The following WDHD1 variants were observed in gnomAD, a reference collection of about 807,000 sequenced individuals.
WDHD1 encodes WD repeat and HMG-box DNA binding protein 1.
In WDHD1, 111 loss-of-function variants were observed where a neutral mutation model predicts 135.4. The ratio of observed to expected loss-of-function variants is 0.82; its 90% CI spans 0.70 to 0.96. The LOEUF (loss-of-function observed/expected upper bound fraction) is 0.96, where lower values mean the gene tolerates loss of function less well. WDHD1 is among the 40% of genes least tolerant of loss of function. The pLI is 0.00. For missense variants in WDHD1, 1,351 were observed against 1,336.3 expected, an observed-to-expected ratio of 1.01 and a Z score of -0.17; for synonymous variants, 434 against 439.0, an observed-to-expected ratio of 0.99 and a Z score of 0.14.
intron 7 of WDHD1, among the ~76,000 whole-genome samples, chr14:55,006,553 T>C (rs1038416441): frequency 1.3e-5 from 2 of 152,318 alleles, no homozygotes; most frequent in South Asian, 4.1e-4. Context: ...TCTTGGGATT[T>C]ACTCATATAC....
intron 20 of WDHD1, 43 bp downstream of exon 20, chr14:54,962,695 C>T (rs749304434): frequency 1.2e-6 from 2 of 1,603,014 alleles, no homozygotes; most frequent in Non-Finnish European, 1.7e-6. Context: ...AAGCCACATC[C>T]ATGATAGTTC....
chr14:54,969,343 G>GAA (rs141857558), intron 16 of WDHD1, among the ~76,000 whole-genome samples: 56 of 119,538 alleles, frequency 4.7e-4, no homozygotes, highest in African/African-American at 1.0e-3. Flanking sequence ...TCCGTTTCAA[G>GAA]AAAAAAAAAA....
Position 54,988,764 on chromosome 14 carries a change from T to TA in WDHD1, c.1526+263dup, listed in dbSNP as rs35817115. Among the ~76,000 whole-genome samples the TA allele has an allele frequency of 9.0e-3, 1,325 of 147,118 alleles. 18 individuals carry two copies. The highest frequency in any genetic ancestry group is 0.03 in the African/African-American group (1,212 of 40,222). ...AAAAAAAAAAAAGCACTTAACAATG[T>TA]AAAAAAAAAATCCCATCTCTTGCAT... On this transcript the variant is annotated intron_variant, in intron 13 of 25. Coordinates refer to ENST00000360586, the MANE Select transcript of WDHD1 (RefSeq NM_007086.4).
At chr14:55,002,652 C>T (rs1287168369) in intron 7 of WDHD1, among the ~76,000 whole-genome samples, 5 of 152,092 alleles carry the variant, frequency 3.3e-5, no homozygotes, top group Admixed American at 6.6e-5. Context: ...GTCACCCAGG[C>T]TGGAGTGCAG....
chr14:54,947,862 G>C (rs1595054735), intron 24 of WDHD1, among the ~76,000 whole-genome samples: 1 of 151,804 alleles, frequency 6.6e-6, no homozygotes, highest in African/African-American at 2.4e-5. Context: ...AAAGTGCTGG[G>C]ATTACAGGCG....
intron 7 of WDHD1, among the ~76,000 whole-genome samples, chr14:55,003,150 G>GA (rs372726165): frequency 6.6e-6 from 1 of 151,386 alleles, no homozygotes; most frequent in Non-Finnish European, 1.5e-5. Context: ...TGTAAGCAAA[G>GA]AAAAAAAATA....
chr14:54,987,420 C>A (rs753962729), intron 13 of WDHD1, 33 bp from the exon 14 acceptor site: 1 of 1,580,788 alleles, frequency 6.3e-7, no homozygotes, highest in Admixed American at 1.7e-5. Flanking sequence ...AACAATCAAA[C>A]TTTCATATGA....
chr14:55,005,600 A>T, intron 7 of WDHD1: 2 of 599,066 alleles, frequency 3.3e-6, no homozygotes, highest in South Asian at 1.4e-5. Context: ...CTGGAAGACA[A>T]AGCTGGTGCT....
rs1174572326 is a variant in WDHD1, at chr14:54,941,661, C to T, written c.3219G>A (p.Thr1073=). ...TCTTTGCTTCAGTTCCTTCACTTGC[C>T]GTTTCTCCTTTGGCTTTGTTAGCCC... ...KVWANKAKGE[T]ASEGTEAKKR... The change falls in exon 26 of 26, where the codon ACG becomes ACA. Residue 1073 remains threonine (T), a synonymous_variant. Coordinates refer to ENST00000360586, the MANE Select transcript of WDHD1 (RefSeq NM_007086.4). 10 of 1,613,676 alleles carry T rather than the reference C, an allele frequency of 6.2e-6. No homozygotes were observed. The highest frequency in any genetic ancestry group is 1.7e-4 in the Middle Eastern group (1 of 6,060).
intron 12 of WDHD1, among the ~76,000 whole-genome samples, chr14:54,990,589 C>G (rs774476139): frequency 6.7e-6 from 1 of 148,824 alleles, no homozygotes; most frequent in Non-Finnish European, 1.5e-5. Flanking sequence ...GAGCGAGACT[C>G]CATCTCAAAA....
chr14:54,947,077 C>T (rs1246129166), intron 24 of WDHD1, among the ~76,000 whole-genome samples: 2 of 152,104 alleles, frequency 1.3e-5, no homozygotes, highest in Non-Finnish European at 2.9e-5. Flanking sequence ...TGGTGGCTCA[C>T]ACCTGTAATC....
intron 2 of WDHD1, among the ~76,000 whole-genome samples, chr14:55,015,772 C>CACTGCA (rs1291330606): frequency 2.6e-5 from 4 of 151,556 alleles, no homozygotes; most frequent in Non-Finnish European, 5.9e-5. Context: ...TATCACAGCT[C>CACTGCA]ACTGCAACCT....
intron 16 of WDHD1, among the ~76,000 whole-genome samples, chr14:54,973,468 T>C (rs2041473550): frequency 6.6e-6 from 1 of 152,208 alleles, no homozygotes. Flanking sequence ...GGTTCTAATT[T>C]TTTTGAACAT....
intron 16 of WDHD1, among the ~76,000 whole-genome samples, chr14:54,980,747 T>G (rs2041604035): frequency 1.4e-5 from 2 of 138,060 alleles, no homozygotes; most frequent in Admixed American, 1.5e-4. Flanking sequence ...GAGGTTGTAG[T>G]GAACTGAGAT....
Position 54,981,676 on chromosome 14 carries a change from A to C in WDHD1, c.1927T>G (p.Ser643Ala), listed in dbSNP as rs1346877054. 1 of 1,610,574 alleles carries C rather than the reference A, an allele frequency of 6.2e-7. No individual in the cohort carries two copies. Among genetic ancestry groups the C allele is most frequent in the African/African-American group, 1.3e-5 (1 of 74,848 alleles). Residue 643 changes from serine to alanine, a missense_variant, in exon 16 of 26, where the codon TCA (serine) becomes GCA (alanine). Ser to Ala is a moderately conservative substitution (Grantham distance 99, BLOSUM62 1). Transcript: ENST00000360586. ...SAEGTPCYVD[S>A]EGIVRMLNRG... ...TTAAGCATTCGAACAATTCCTTCTGAATCCACGTAACAAGGGGTACCTAAA... is the reference window on the plus strand; with the variant it reads ...TTAAGCATTCGAACAATTCCTTCTGCATCCACGTAACAAGGGGTACCTAAA...
chr14:54,960,109 C>T (rs2041227025), intron 21 of WDHD1, among the ~76,000 whole-genome samples: 1 of 152,194 alleles, frequency 6.6e-6, no homozygotes, highest in African/African-American at 2.4e-5. Context: ...CTAACATCAC[C>T]ATCACCACCC....
intron 10 of WDHD1, among the ~76,000 whole-genome samples, chr14:54,998,170 A>T (rs997069846): frequency 6.6e-6 from 1 of 151,766 alleles, no homozygotes; most frequent in African/African-American, 2.4e-5. Context: ...CCACCATTGC[A>T]CTCCAGCCTG....
At position 54,960,853 on chromosome 14, in the gene WDHD1, G is replaced by A. The variant is rs530179907; in HGVS notation, c.2701+1645C>T. ...CTTGCTCTGTCACCCAGGCTGGAGT[G>A]CAGTGGTGCAACCATAGCCTACTGC... On this transcript the variant is annotated intron_variant, in intron 21 of 25. Coordinates refer to ENST00000360586, the MANE Select transcript of WDHD1 (RefSeq NM_007086.4). Among the ~76,000 whole-genome samples, 3 of 152,286 alleles carry A rather than the reference G, an allele frequency of 2.0e-5. No homozygotes were observed. The East Asian group carries it at 5.8e-4, about 29-fold the overall frequency.
chr14:54,983,914 T>A (rs141846565), intron 15 of WDHD1, among the ~76,000 whole-genome samples: 1 of 152,196 alleles, frequency 6.6e-6, no homozygotes, highest in East Asian at 1.9e-4. Context: ...TCATTTAACA[T>A]GTAATCAACA....
Sources: gnomAD v4.1 joint callset for allele counts (sites outside exome capture counted in the v4.1 genomes callset) on GRCh38, gnomAD v4.1.1 for gene constraint, MANE v1.5 for transcripts, NCBI Gene and HGNC (gene_info 2026-07-23, HGNC 2026-07-21) for gene names.